Variants in KCNC2 observed in about 807,000 individuals in gnomAD.
KCNC2 encodes voltage-gated potassium channel KCNC2.
In KCNC2, 21 loss-of-function variants were observed where a neutral mutation model predicts 44.5. The ratio of observed to expected loss-of-function variants is 0.47; its 90% CI spans 0.33 to 0.68. The LOEUF (loss-of-function observed/expected upper bound fraction) is 0.68, where lower values mean the gene tolerates loss of function less well. KCNC2 is among the 30% of genes least tolerant of loss of function. The probability of loss-of-function intolerance (pLI) is 0.01; values close to 1 mark genes in which losing one functional copy is unlikely to be tolerated. For synonymous variants in KCNC2, 391 were observed against 339.1 expected, an observed-to-expected ratio of 1.15 and a Z score of -1.68; for missense variants, 589 against 826.2, an observed-to-expected ratio of 0.71 and a Z score of 3.52.
chr12:75,171,918 AG>A (rs1172156933), intron 2 of KCNC2, among the ~76,000 whole-genome samples: 1 of 151,798 alleles, frequency 6.6e-6, no homozygotes, highest in Non-Finnish European at 1.5e-5. Context: ...CACTTTAAAA[AG>A]GGTTTTTTAA....
chr12:75,177,936 A>G (rs116320241), intron 2 of KCNC2, among the ~76,000 whole-genome samples: 165 of 152,070 alleles, frequency 1.1e-3, no homozygotes, highest in African/African-American at 3.4e-3. Flanking sequence ...AATAATAACA[A>G]TCTTCCTTAC....
At chr12:75,158,706 A>C (rs1042759992) in intron 2 of KCNC2, among the ~76,000 whole-genome samples, 12 of 151,788 alleles carry the variant, frequency 7.9e-5, no homozygotes, top group African/African-American at 2.9e-4. Flanking sequence ...TTCCCAAAAA[A>C]CCTTCTGAGA....
chr12:75,191,149 A>G (rs1428420526), intron 2 of KCNC2, among the ~76,000 whole-genome samples: 1 of 152,018 alleles, frequency 6.6e-6, no homozygotes, highest in Admixed American at 6.5e-5. Context: ...AACATGTAGG[A>G]CCTATATAAA....
intron 2 of KCNC2, among the ~76,000 whole-genome samples, chr12:75,064,981 A>G (rs956644661): frequency 6.6e-6 from 1 of 151,964 alleles, no homozygotes; most frequent in Non-Finnish European, 1.5e-5. Context: ...ATATTATATA[A>G]AGATTATACA....
At chr12:75,049,726 G>A (rs1395253580) in intron 3 of KCNC2, among the ~76,000 whole-genome samples, 1 of 151,996 alleles carries the variant, frequency 6.6e-6, no homozygotes, top group African/African-American at 2.4e-5. Flanking sequence ...TCTATTCCCT[G>A]AAAAATGGTG....
At chr12:75,075,351 G>GA (rs36142679) in intron 2 of KCNC2, among the ~76,000 whole-genome samples, 5,843 of 150,684 alleles carry the variant, frequency 0.039, 352 homozygotes, top group African/African-American at 0.13. Context: ...TATCCCTTCA[G>GA]AAAAAAAATA....
intron 2 of KCNC2, among the ~76,000 whole-genome samples, chr12:75,109,014 T>C (rs923717827): frequency 6.6e-6 from 1 of 152,190 alleles, no homozygotes; most frequent in Non-Finnish European, 1.5e-5. Flanking sequence ...CCTTAGAGTC[T>C]TGCCAAATTG....
chr12:75,058,869 T>C (rs1282823734), intron 2 of KCNC2, among the ~76,000 whole-genome samples: 2 of 152,058 alleles, frequency 1.3e-5, no homozygotes, highest in Non-Finnish European at 2.9e-5. Context: ...TGAAGCCCCA[T>C]ATTACATATT....
intron 1 of KCNC2, 35 bp from the exon 2 acceptor site, chr12:75,208,037 T>A (rs2031854343): frequency 1.2e-6 from 2 of 1,604,090 alleles, no homozygotes; most frequent in African/African-American, 2.7e-5. Flanking sequence ...GAGTTAAAGA[T>A]CTTAGCCGTC....
At chr12:75,202,688 T>C (rs2031380397) in intron 2 of KCNC2, among the ~76,000 whole-genome samples, 1 of 151,696 alleles carries the variant, frequency 6.6e-6, no homozygotes, top group South Asian at 2.1e-4. Context: ...AAATAAAGAA[T>C]TTAAGAGCCT....
chr12:75,107,642 G>A (rs1320343242), intron 2 of KCNC2, among the ~76,000 whole-genome samples: 3 of 146,516 alleles, frequency 2.0e-5, no homozygotes, highest in Non-Finnish European at 3.0e-5. Flanking sequence ...GCAAATACTC[G>A]CAAGTAACAC....
intron 2 of KCNC2, among the ~76,000 whole-genome samples, chr12:75,193,365 G>A (rs550934652): frequency 5.3e-5 from 8 of 152,082 alleles, no homozygotes; most frequent in African/African-American, 1.4e-4. Flanking sequence ...AAAGAAAAGG[G>A]GTTGGTCCTT....
At position 75,207,773 on chromosome 12, in the gene KCNC2, A is replaced by G. The variant is rs2137830598; in HGVS notation, c.211T>C (p.Ser71Pro). 1 of 1,578,708 alleles carries G rather than the reference A, an allele frequency of 6.3e-7. No individual in the cohort carries two copies. Among genetic ancestry groups the G allele is most frequent in the East Asian group, 2.3e-5 (1 of 43,040 alleles). Reference sequence around the variant, plus strand: ...TCGAAGCAGCCGCCTGGCCCGGGGGACAGCGGGGGCGCTCTCGGCGGCGGC... The same window carrying G: ...TCGAAGCAGCCGCCTGGCCCGGGGGGCAGCGGGGGCGCTCTCGGCGGCGGC... ...LSPPPRAPPL[S>P]PGPGGCFEGG... The change falls in exon 2 of 5, where the codon TCC (serine) becomes CCC (proline). Residue 71 changes from serine to proline, a missense_variant. Physicochemically the swap from Ser to Pro is moderately conservative, Grantham distance 74. This residue lies in a region of KCNC2 where 148 missense variants were observed against 140.1 expected (regional missense o/e 1.06). Transcript: ENST00000549446. This position sits in a 1 kb window ranked among gnomAD's most constrained non-coding sequence, Gnocchi z 4.1.
chr12:75,049,083 T>C (rs1322814953), intron 3 of KCNC2, among the ~76,000 whole-genome samples: 3 of 152,126 alleles, frequency 2.0e-5, no homozygotes. Flanking sequence ...CCAACTAAAC[T>C]CTACCTTTCA....
intron 2 of KCNC2, among the ~76,000 whole-genome samples, chr12:75,195,884 G>T (rs542170761): frequency 6.6e-6 from 1 of 152,216 alleles, no homozygotes; most frequent in Middle Eastern, 3.4e-3. Flanking sequence ...GCCAACCTCA[G>T]GGACTGTCTC....
chr12:75,077,306 C>T (rs751494911), intron 2 of KCNC2, among the ~76,000 whole-genome samples: 4 of 152,050 alleles, frequency 2.6e-5, no homozygotes, highest in Non-Finnish European at 4.4e-5. Context: ...TCTGGAAAAC[C>T]TCATTAAAAT....
intron 2 of KCNC2, among the ~76,000 whole-genome samples, chr12:75,076,705 T>C (rs1478697526): frequency 2.6e-5 from 4 of 152,232 alleles, no homozygotes; most frequent in Non-Finnish European, 5.9e-5. Context: ...TCTTGATACG[T>C]ATTTATTTCA....
chr12:75,165,013 C>T (rs555473113), intron 2 of KCNC2, among the ~76,000 whole-genome samples: 24 of 151,504 alleles, frequency 1.6e-4, no homozygotes, highest in Non-Finnish European at 2.7e-4. Context: ...ACTTCAATTC[C>T]TATTTTATTT....
At chr12:75,192,219 T>A (rs1184206790) in intron 2 of KCNC2, among the ~76,000 whole-genome samples, 1 of 152,230 alleles carries the variant, frequency 6.6e-6, no homozygotes, top group Non-Finnish European at 1.5e-5. Context: ...GCTCCTTGTC[T>A]AATTTCCTTG....
Sources: allele counts gnomAD v4.1 joint callset (sites outside exome capture counted in the v4.1 genomes callset), GRCh38; gene constraint gnomAD v4.1.1; regional missense constraint gnomAD v4.1.1; non-coding constraint Gnocchi (gnomAD v3.1); transcripts MANE v1.5; gene names NCBI Gene and HGNC (gene_info 2026-07-23, HGNC 2026-07-21).